The following EPOR variants were observed in gnomAD, a reference collection of about 807,000 sequenced individuals.
EPOR encodes the protein erythropoietin receptor.
In EPOR, 20 loss-of-function variants were observed where a neutral mutation model predicts 34.3. That is an observed-to-expected ratio of 0.58 (90% CI 0.41 to 0.85). The LOEUF is 0.85. EPOR is among the 40% of genes least tolerant of loss of function. EPOR has a pLI of 0.00. For missense variants in EPOR, 601 were observed against 672.7 expected (o/e 0.89, Z 1.18); for synonymous variants, 312 against 299.0 (o/e 1.04, Z -0.45).
chr19:11,381,076 A>G lies in EPOR; in HGVS notation c.719T>C (p.Val240Ala). Residue 240 changes from valine to alanine, a missense_variant, in exon 5 of 8, where the codon GTG (valine) becomes GCG (alanine). Transcript: ENST00000222139. The surrounding 1 kb of genome is among the most constrained non-coding windows in gnomAD (Gnocchi z 5.3). The part of the protein sequence containing the change: ...GGFWSAWSEP[V>A]SLLTPSDLDP... ...CTCACCGCTAGGCGTCAGCAGCGAC[A>G]CAGGCTCCGACCAGGCGCTCCAGAA... The G allele has an allele frequency of 1.2e-6, 2 of 1,601,772 alleles. No individual in the cohort carries two copies. Among genetic ancestry groups the G allele is most frequent in the Non-Finnish European group, 8.5e-7 (1 of 1,174,440 alleles).
At position 11,381,838 on chromosome 19, in the gene EPOR, C is replaced by A. The variant is rs1555716537; in HGVS notation, c.439G>T (p.Ala147Ser). The change falls in exon 4 of 8, where the codon GCC becomes TCC. Residue 147 changes from alanine to serine, a missense_variant. By Grantham distance (99) the Ala-to-Ser change is moderately conservative. Coordinates refer to ENST00000222139, the MANE Select transcript of EPOR (RefSeq NM_000121.4). This position sits in a 1 kb window ranked among gnomAD's most constrained non-coding sequence, Gnocchi z 5.3. ...IHINEVVLLD[A>S]PVGLVARLAD... ...AACCGCGCCACCAGCCCCACGGGGG[C>A]GTCTAGGAGCACTGCAGGCATGGGG... The A allele has an allele frequency of 1.2e-6, 2 of 1,614,086 alleles. No homozygotes were observed. The highest frequency in any genetic ancestry group is 2.2e-5 in the East Asian group (1 of 44,878).
Position 11,378,805 on chromosome 19 carries a change from A to G in EPOR, c.828-27T>C. The G allele has an allele frequency of 6.2e-7, 1 of 1,608,030 alleles. No homozygotes were observed. Among genetic ancestry groups the G allele is most frequent in the South Asian group, 1.1e-5 (1 of 90,940 alleles). The stretch of plus-strand genomic sequence containing the variant: ...TGTTGAAGCCAATATAAATAGTTAC[A>G]TAGATATGACTCATTGAATACTCAC... On this transcript the variant is annotated intron_variant, in intron 6 of 7. Coordinates refer to ENST00000222139, the MANE Select transcript of EPOR (RefSeq NM_000121.4). The surrounding 1 kb of genome is among the most constrained non-coding windows in gnomAD (Gnocchi z 5.3).
rs766559005 is a variant in EPOR, at chr19:11,378,082, G to A, written c.1429C>T (p.Gln477Ter). Residue 477 changes from glutamine to a stop codon, truncating the protein, a stop_gained, in exon 8 of 8, where the codon CAA becomes TAA. Transcript: ENST00000222139. LOFTEE classifies it low-confidence loss of function (END_TRUNC). The surrounding 1 kb of genome is among the most constrained non-coding windows in gnomAD (Gnocchi z 5.3). Reference protein sequence around the residue: ...DYSSGDSQGAQGGLSDGPYSN... With the variant: ...DYSSGDSQGA ...TAGGGGCCATCGGATAAGCCCCCTT[G>A]GGCTCCCTGGGAGTCCCCTGAGCTG... 8.1e-6 allele frequency: 13 copies of A among 1,613,878 alleles called. No homozygotes were observed. In the South Asian group the frequency reaches 1.4e-4, roughly 18 times the overall value.
chr19:11,381,622 G>C lies in EPOR; in HGVS notation c.585+70C>G. On this transcript the variant is annotated intron_variant, in intron 4 of 7. Coordinates refer to ENST00000222139, the MANE Select transcript of EPOR (RefSeq NM_000121.4). This position sits in a 1 kb window ranked among gnomAD's most constrained non-coding sequence, Gnocchi z 5.3. ...CGGCCCTGAAAGCGGCACCGGGCGC[G>C]ACCTCGAGAGGCGTGGCTGGGCCGT... 2.0e-6 allele frequency: 3 copies of C among 1,511,958 alleles called. No individual in the cohort carries two copies. Among genetic ancestry groups the C allele is most frequent in the Non-Finnish European group, 2.7e-6 (3 of 1,118,146 alleles). The allele number at this position is 1,511,958 out of a possible 1,614,324, so 93.7% of individuals were successfully genotyped here.
rs1968344051 is a variant in EPOR at position 11,380,795 on chromosome 19, C to T, written c.827+89G>A. 5.6e-6 allele frequency: 6 copies of T among 1,080,706 alleles called. No individual in the cohort carries two copies. In the South Asian group the frequency reaches 6.8e-5, roughly 12 times the overall value. 66.9% of individuals were successfully genotyped at this position (1,080,706 alleles called of 1,614,324 possible). ...CTTACTGCGTGACCTTGGGCAAGTG[C>T]GTGTCTCTCTCTGAGCCTAGGTTTC... On this transcript the variant is annotated intron_variant, in intron 6 of 7. Coordinates refer to ENST00000222139, the MANE Select transcript of EPOR (RefSeq NM_000121.4).
Position 11,381,071 on chromosome 19 carries a change from G to C in EPOR, c.724C>G (p.Leu242Val). Residue 242 changes from leucine (L) to valine (V), a missense_variant, in exon 5 of 8, where the codon CTG (leucine) becomes GTG (valine). Leu to Val is a conservative substitution (Grantham distance 32). Coordinates refer to ENST00000222139, the MANE Select transcript of EPOR (RefSeq NM_000121.4). This position sits in a 1 kb window ranked among gnomAD's most constrained non-coding sequence, Gnocchi z 5.3. Reference protein sequence around the residue: ...FWSAWSEPVSLLTPSDLDPLI... With the variant: ...FWSAWSEPVSVLTPSDLDPLI... ...GGGGCCTCACCGCTAGGCGTCAGCA[G>C]CGACACAGGCTCCGACCAGGCGCTC... The C allele has an allele frequency of 1.2e-6, 2 of 1,602,390 alleles. No individual in the cohort carries two copies. The highest frequency in any genetic ancestry group is 1.7e-6 in the Non-Finnish European group (2 of 1,174,720).
Position 11,383,960 on chromosome 19 carries a change from G to T in EPOR, c.115+133C>A. ...CAGGACCCAGTCTAAGGGTTCAGATGCCAGCTTGGCCCCCAGGACCCGGTC... is the reference window on the plus strand; with the variant it reads ...CAGGACCCAGTCTAAGGGTTCAGATTCCAGCTTGGCCCCCAGGACCCGGTC... On this transcript the variant is annotated intron_variant, in intron 1 of 7. Coordinates refer to ENST00000222139, the MANE Select transcript of EPOR (RefSeq NM_000121.4). The surrounding 1 kb of genome is among the most constrained non-coding windows in gnomAD (Gnocchi z 4.9). 1 of 690,128 alleles carries T rather than the reference G, an allele frequency of 1.4e-6. No individual in the cohort carries two copies. Among genetic ancestry groups the T allele is most frequent in the South Asian group, 1.5e-5 (1 of 65,832 alleles). The allele number at this position is 690,128 out of a possible 1,614,324, so 42.8% of individuals were successfully genotyped here. A position where few individuals can be genotyped will look rare whatever the true frequency, so the allele number is the denominator to read the frequency against.
rs1968365646 is a variant in EPOR at position 11,381,840 on chromosome 19, T to G, written c.437A>C (p.Asp146Ala). 1 of 1,614,040 alleles carries G rather than the reference T, an allele frequency of 6.2e-7. No homozygotes were observed. Among genetic ancestry groups the G allele is most frequent in the Non-Finnish European group, 8.5e-7 (1 of 1,179,938 alleles). The change falls in exon 4 of 8, where the codon GAC (aspartate) becomes GCC (alanine). Residue 146 changes from aspartate to alanine, a missense_variant. Coordinates refer to ENST00000222139, the MANE Select transcript of EPOR (RefSeq NM_000121.4). This position sits in a 1 kb window ranked among gnomAD's most constrained non-coding sequence, Gnocchi z 5.3. The stretch of plus-strand genomic sequence containing the variant: ...CCGCGCCACCAGCCCCACGGGGGCG[T>G]CTAGGAGCACTGCAGGCATGGGGGT... ...VIHINEVVLLDAPVGLVARLA... is the reference protein window; with the variant it reads ...VIHINEVVLLAAPVGLVARLA...
rs751064183 is a variant in EPOR, at chr19:11,378,488, C to T, written c.1023G>A (p.Thr341=). 1.9e-5 allele frequency: 31 copies of T among 1,614,086 alleles called. No homozygotes were observed. The highest frequency in any genetic ancestry group is 4.5e-5 in the East Asian group (2 of 44,890). ...LEVLSERCWG[T]MQAVEPGTDD... The stretch of plus-strand genomic sequence containing the variant: ...CTGTCCCCGGCTCCACTGCCTGCAT[C>T]GTCCCCCAGCAGCGCTCTGAGAGGA... Residue 341 remains threonine (T), a synonymous_variant, in exon 8 of 8, where the codon ACG becomes ACA. Transcript: ENST00000222139. This position sits in a 1 kb window ranked among gnomAD's most constrained non-coding sequence, Gnocchi z 5.3.
rs1968345687 is a variant in EPOR at position 11,380,903 on chromosome 19, C to T, written c.808G>A (p.Ala270Thr). ...GCTCACCGGCGGTGGGAGAGCAGCG[C>T]GAGCACGGTCAGCAGCACCAGGATG... The part of the protein sequence containing the change: ...VVILVLLTVL[A>T]LLSHRRALKQ... The change falls in exon 6 of 8, where the codon GCG becomes ACG. Residue 270 changes from alanine to threonine, a missense_variant. By Grantham distance (58) the Ala-to-Thr change is moderately conservative (BLOSUM62 0). Transcript: ENST00000222139. 6 of 1,551,542 alleles carry T rather than the reference C, an allele frequency of 3.9e-6. No homozygotes were observed. The highest frequency in any genetic ancestry group is 1.7e-4 in the Middle Eastern group (1 of 6,014).
chr19:11,380,886 G>A lies in EPOR; in HGVS notation c.825C>T (p.Arg275=). ...CAGCGCCCAAATGGGGAGCTCACCG[G>A]CGGTGGGAGAGCAGCGCGAGCACGG... The part of the protein sequence containing the change: ...LLTVLALLSH[R]RALKQKIWPG... The change falls in exon 6 of 8, where the codon CGC becomes CGT. Residue 275 remains arginine (R), a splice_region_variant and synonymous_variant. Coordinates refer to ENST00000222139, the MANE Select transcript of EPOR (RefSeq NM_000121.4). 6.4e-7 allele frequency: 1 copy of A among 1,550,782 alleles called. No homozygotes were observed. Among genetic ancestry groups the A allele is most frequent in the Non-Finnish European group, 8.7e-7 (1 of 1,146,102 alleles).
In EPOR at chr19:11,381,292, CAG is replaced by C. The variant is rs778673675; in HGVS notation, c.586-85_586-84del. 40 of 1,467,376 alleles carry C rather than the reference CAG, an allele frequency of 2.7e-5. No individual in the cohort carries two copies. The highest frequency in any genetic ancestry group is 3.6e-5 in the South Asian group (3 of 82,364). The allele number at this position is 1,467,376 out of a possible 1,614,324, so 90.9% of individuals were successfully genotyped here. A position where few individuals can be genotyped will look rare whatever the true frequency, so the allele number is the denominator to read the frequency against. Reference sequence around the variant, plus strand: ...CGGGCCCTGGTGGAACTGAGCCAATCAGGGGAAAGGAAAACGGTGCCCTAGAA... The same window carrying C: ...CGGGCCCTGGTGGAACTGAGCCAATCGGGAAAGGAAAACGGTGCCCTAGAA... On this transcript the variant is annotated intron_variant, in intron 4 of 7. Coordinates refer to ENST00000222139, the MANE Select transcript of EPOR (RefSeq NM_000121.4). The surrounding 1 kb of genome is among the most constrained non-coding windows in gnomAD (Gnocchi z 5.3).
chr19:11,382,386 G>A (rs1362612511), intron 2 of EPOR, among the ~76,000 whole-genome samples: 1 of 141,312 alleles, frequency 7.1e-6, no homozygotes, highest in East Asian at 2.0e-4. Context: ...TTTTTGAGAC[G>A]GAGTTTCGCT....
In EPOR at chr19:11,383,627, G is replaced by A. The variant is rs1438701441; in HGVS notation, c.116-395C>T. The A allele has an allele frequency of 5.6e-5, 13 of 233,834 alleles. No individual in the cohort carries two copies. The highest frequency in any genetic ancestry group is 3.1e-4 in the South Asian group (5 of 16,222). The allele number at this position is 233,834 out of a possible 1,614,324, so 14.5% of individuals were successfully genotyped here. On this transcript the variant is annotated intron_variant, in intron 1 of 7. Transcript: ENST00000222139. The surrounding 1 kb of genome is among the most constrained non-coding windows in gnomAD (Gnocchi z 4.9). ...CCCGCCAACCGATAGCGCCAACCGT[G>A]CCCCCCGCCTCCCTCCCTCCACCGG... is the stretch of plus-strand genomic sequence containing the variant.
Position 11,382,759 on chromosome 19 carries a change from G to GT in EPOR, c.251+337dup. On this transcript the variant is annotated intron_variant, in intron 2 of 7. Coordinates refer to ENST00000222139, the MANE Select transcript of EPOR (RefSeq NM_000121.4). ...TTCTTCCGCCTCGACCTTCCAAAGA[G>GT]TTGGGATTACAGGCATGAGCCACTG... is the stretch of plus-strand genomic sequence containing the variant. The GT allele has an allele frequency of 3.3e-6, 4 of 1,202,396 alleles. No individual in the cohort carries two copies. The South Asian group carries it at 6.0e-5, about 18-fold the overall frequency. The allele number at this position is 1,202,396 out of a possible 1,614,324, so 74.5% of individuals were successfully genotyped here.
chr19:11,377,794 T>C lies in EPOR; in HGVS notation c.*190A>G, dbSNP rs1021872784. On this transcript the variant is annotated 3_prime_UTR_variant, in exon 8 of 8. Coordinates refer to ENST00000222139, the MANE Select transcript of EPOR (RefSeq NM_000121.4). ...ACATATGTGTATATATATATATAGA[T>C]ACAAAAAAAAACTATACATATTTAA... 1 of 745,254 alleles carries C rather than the reference T, an allele frequency of 1.3e-6. No individual in the cohort carries two copies. The highest frequency in any genetic ancestry group is 2.4e-6 in the Non-Finnish European group (1 of 414,798). 46.2% of individuals were successfully genotyped at this position (745,254 alleles called of 1,614,324 possible). A position where few individuals can be genotyped will look rare whatever the true frequency, so the allele number is the denominator to read the frequency against.
intron 1 of EPOR, 42 bp downstream of exon 1, chr19:11,384,041 AGCATGGTCCT>A: frequency 8.0e-7 from 1 of 1,243,242 alleles, no homozygotes; most frequent in Non-Finnish European, 1.2e-6. Context: ...TTCAGGCCCC[AGCATGGTCCT>A]GCAGGCTCCA....
rs1323875414 is a variant in EPOR, at chr19:11,378,158, G to A, written c.1353C>T (p.His451=). Reference sequence around the variant, plus strand: ...ATACCACAAGGTACAGGTACTTTAGGTGGGGTGGGGTAGGGGGCAGCTCAG... The same window carrying A: ...ATACCACAAGGTACAGGTACTTTAGATGGGGTGGGGTAGGGGGCAGCTCAG... The part of the protein sequence containing the change: ...LCPELPPTPP[H]LKYLYLVVSD... The change falls in exon 8 of 8, where the codon CAC becomes CAT. Residue 451 remains histidine (H), a synonymous_variant. Transcript: ENST00000222139. This position sits in a 1 kb window ranked among gnomAD's most constrained non-coding sequence, Gnocchi z 5.3. 1.9e-6 allele frequency: 3 copies of A among 1,614,082 alleles called. No individual in the cohort carries two copies. Among genetic ancestry groups the A allele is most frequent in the Non-Finnish European group, 2.5e-6 (3 of 1,180,022 alleles).
intron 6 of EPOR, among the ~76,000 whole-genome samples, chr19:11,380,662 C>T (rs1046619584): frequency 6.6e-6 from 1 of 152,124 alleles, no homozygotes; most frequent in African/African-American, 2.4e-5. Flanking sequence ...AAATGGCAGC[C>T]CCTGATGTAG....
Sources: gnomAD v4.1 joint callset for allele counts (sites outside exome capture counted in the v4.1 genomes callset) on GRCh38, gnomAD v4.1.1 for gene constraint, Gnocchi (gnomAD v3.1) non-coding constraint, MANE v1.5 for transcripts, NCBI Gene and HGNC (gene_info 2026-07-23, HGNC 2026-07-21) for gene names.